Variants in SEPTIN6 observed in about 807,000 individuals in gnomAD.
The protein encoded by SEPTIN6 is septin 6, also known as septin-6.
Under a neutral mutation model 33.6 loss-of-function variants are expected in SEPTIN6, and 8 were observed. The ratio of observed to expected loss-of-function variants is 0.24; its 90% CI spans 0.14 to 0.43. The LOEUF is 0.43. Among genes scored for constraint, SEPTIN6 ranks in the 20% least tolerant of loss-of-function variants. SEPTIN6 has a pLI of 1.00. For missense variants in SEPTIN6, 250 were observed against 340.8 expected, an observed-to-expected ratio of 0.73 and a Z score of 2.10; for synonymous variants, 131 against 140.0, an observed-to-expected ratio of 0.94 and a Z score of 0.45.
At chrX:119,632,158 A>G (rs7055958) in intron 8 of SEPTIN6, among the ~76,000 whole-genome samples, 16,648 of 108,811 alleles carry the variant, frequency 0.15, 2,074 homozygotes, top group African/African-American at 0.42. Flanking sequence ...TAAGCCTCCC[A>G]AAGTGCTGGG....
chrX:119,679,101 G>A (rs1018838296), intron 1 of SEPTIN6, among the ~76,000 whole-genome samples: 10 of 110,136 alleles, frequency 9.1e-5, no homozygotes, highest in Non-Finnish European at 7.6e-5. Context: ...CACCGCACCC[G>A]GCTAATTTTT....
At position 119,617,958 on chromosome X, in the gene SEPTIN6, G is replaced by A. The variant is rs1014184227; in HGVS notation, c.*2135C>T. On this transcript the variant is annotated 3_prime_UTR_variant, in exon 11 of 11. Transcript: ENST00000394610. ...TCTGTACACAAATGCAAATGAGGGC[G>A]CCTCCGGTTTGTAATGCAAATAATT... 11 of 802,209 alleles carry A rather than the reference G, an allele frequency of 1.4e-5. No individual in the cohort carries two copies. The highest frequency in any genetic ancestry group is 2.2e-5 in the African/African-American group (1 of 45,495). 66.1% of individuals were successfully genotyped at this position (802,209 alleles called of 1,213,427 possible).
At chrX:119,678,059 C>T in intron 1 of SEPTIN6, among the ~76,000 whole-genome samples, 1 of 110,866 alleles carries the variant, frequency 9.0e-6, no homozygotes, top group Admixed American at 9.6e-5. Context: ...AATGGCAAAA[C>T]CCCATCTCAA....
At chrX:119,684,482 G>GGTT (rs1465016068) in intron 1 of SEPTIN6, among the ~76,000 whole-genome samples, 6 of 79,451 alleles carry the variant, frequency 7.6e-5, no homozygotes, top group Non-Finnish European at 1.2e-4. Flanking sequence ...GTTCCCAGAG[G>GGTT]TTTTTTTTTT....
chrX:119,640,262 G>T (rs1392126902), intron 6 of SEPTIN6, among the ~76,000 whole-genome samples: 2 of 99,242 alleles, frequency 2.0e-5, no homozygotes, highest in Non-Finnish European at 4.0e-5. Context: ...CTCGTGATCC[G>T]CCCGCCTCGG....
Position 119,663,473 on chromosome X carries a change from C to CAAAT in SEPTIN6, c.341+8_341+9insATTT. Reference sequence around the variant, plus strand: ...TCCCCACCCTACCCCACCCCACCGCCTTCTTTACCTGTCCTCTTTGTTGAT... The same window carrying CAAAT: ...TCCCCACCCTACCCCACCCCACCGCCAAATTTCTTTACCTGTCCTCTTTGTTGAT... On this transcript the variant is annotated intron_variant, in intron 3 of 10. Transcript: ENST00000394610. 8.6e-7 allele frequency: 1 copy of CAAAT among 1,159,552 alleles called. No homozygotes were observed. The highest frequency in any genetic ancestry group is 1.8e-5 in the African/African-American group (1 of 56,274).
At chrX:119,630,336 G>A (rs1484205323) in intron 8 of SEPTIN6, among the ~76,000 whole-genome samples, 1 of 111,744 alleles carries the variant, frequency 8.9e-6, no homozygotes, top group Non-Finnish European at 1.9e-5. Context: ...CCTCTTATGT[G>A]TAAGGAACCC....
chrX:119,678,372 T>A (rs2054880009), intron 1 of SEPTIN6, among the ~76,000 whole-genome samples: 1 of 106,653 alleles, frequency 9.4e-6, no homozygotes, highest in Non-Finnish European at 1.9e-5. Flanking sequence ...TACAAAAAAT[T>A]AGCCGGGCGT....
Position 119,651,401 on chromosome X carries a change from A to C in SEPTIN6, c.529-1303T>G, listed in dbSNP as rs1603340034. On this transcript the variant is annotated intron_variant, in intron 4 of 10. Coordinates refer to ENST00000394610, the MANE Select transcript of SEPTIN6 (RefSeq NM_145799.4). ...TATAAACATATATCAGGCCAGGGGC[A>C]GTGGCTCATGCTGCTAATCCAAGCA... Among the ~76,000 whole-genome samples the C allele has an allele frequency of 2.7e-5, 3 of 112,317 alleles. 1 individual carries two copies. The East Asian group carries it at 8.4e-4, about 32-fold the overall frequency.
At chrX:119,630,923 A>G (rs974134317) in intron 8 of SEPTIN6, among the ~76,000 whole-genome samples, 4 of 109,412 alleles carry the variant, frequency 3.7e-5, no homozygotes, top group Non-Finnish European at 7.6e-5. Context: ...CTGGCATGCC[A>G]TTGTGGTAAG....
chrX:119,667,487 C>A (rs1289660518), intron 2 of SEPTIN6, among the ~76,000 whole-genome samples: 2 of 111,223 alleles, frequency 1.8e-5, no homozygotes, highest in Non-Finnish European at 3.8e-5. Flanking sequence ...ACCCGGGTGT[C>A]TAGGGAATTG....
At chrX:119,675,258 A>G (rs1354317300) in intron 2 of SEPTIN6, among the ~76,000 whole-genome samples, 1 of 110,591 alleles carries the variant, frequency 9.0e-6, no homozygotes, top group Non-Finnish European at 1.9e-5. Context: ...TCTGTAGTCA[A>G]AATGAACTCT....
chrX:119,645,684 A>C (rs1013687092), intron 5 of SEPTIN6, among the ~76,000 whole-genome samples: 2 of 111,390 alleles, frequency 1.8e-5, no homozygotes, highest in South Asian at 7.5e-4. Flanking sequence ...GGTATGAGCC[A>C]CTGCGCCTGG....
At chrX:119,689,476 GCCACGAA>G (rs2055118402) in intron 1 of SEPTIN6, among the ~76,000 whole-genome samples, 1 of 111,815 alleles carries the variant, frequency 8.9e-6, no homozygotes. Context: ...AAGCTTAAAA[GCCACGAA>G]CTTTTTTTTG....
At chrX:119,615,873 G>A (rs1398538745), downstream of SEPTIN6, 5 of 165,029 alleles carry the variant, frequency 3.0e-5, no homozygotes, top group Non-Finnish European at 5.8e-5. Context: ...AAGAACAAAG[G>A]AGAAGAAAGG....
intron 10 of SEPTIN6, among the ~76,000 whole-genome samples, chrX:119,624,395 G>A (rs780389386): frequency 7.3e-5 from 8 of 110,271 alleles, no homozygotes; most frequent in African/African-American, 1.6e-4. Flanking sequence ...GGCTGGTCTC[G>A]AACTCCCGAC....
intron 3 of SEPTIN6, among the ~76,000 whole-genome samples, chrX:119,653,514 GC>G (rs1316637370): frequency 1.8e-5 from 2 of 112,640 alleles, no homozygotes; most frequent in African/African-American, 6.5e-5. Context: ...ACAGCATGGA[GC>G]CCACTGGCTG....
intron 3 of SEPTIN6, among the ~76,000 whole-genome samples, chrX:119,658,378 A>T (rs2054488805): frequency 8.9e-6 from 1 of 112,002 alleles, no homozygotes; most frequent in Non-Finnish European, 1.9e-5. Flanking sequence ...ACCTCATTCT[A>T]TTAAACTGCC....
intron 1 of SEPTIN6, among the ~76,000 whole-genome samples, chrX:119,682,194 G>A (rs766193759): frequency 2.7e-5 from 3 of 111,891 alleles, no homozygotes; most frequent in South Asian, 3.7e-4. Flanking sequence ...ACCCACAATC[G>A]TAGCTACCTC....
Sources: gnomAD v4.1 joint callset for allele counts (sites outside exome capture counted in the v4.1 genomes callset) on GRCh38, gnomAD v4.1.1 for gene constraint, MANE v1.5 for transcripts, NCBI Gene and HGNC (gene_info 2026-07-23, HGNC 2026-07-21) for gene names.